MALRD1: variants seen among roughly 807,000 people sequenced by gnomAD.
The protein encoded by MALRD1 is MAM and LDL-receptor class A domain-containing protein 1.
A neutral mutation model predicts 242.1 loss-of-function variants in MALRD1; 247 were observed. That is an observed-to-expected ratio of 1.02 (90% confidence interval 0.92 to 1.13). The LOEUF (loss-of-function observed/expected upper bound fraction) is 1.13, where lower values mean the gene tolerates loss of function less well. Ranked by LOEUF, MALRD1 falls within the 50% of genes most tolerant of loss-of-function variation. The pLI is 0.00. For synonymous variants in MALRD1, 995 were observed against 866.6 expected, an observed-to-expected ratio of 1.15 and a Z score of -2.60; for missense variants, 2,989 against 2,533.1, an observed-to-expected ratio of 1.18 and a Z score of -3.86.
At chr10:19,135,133 A>G (rs1833283897) in intron 9 of MALRD1, among the ~76,000 whole-genome samples, 1 of 152,146 alleles carries the variant, frequency 6.6e-6, no homozygotes, top group Non-Finnish European at 1.5e-5. Flanking sequence ...GTAATTATTA[A>G]TGAACAAACA....
At chr10:19,454,405 G>GATATATATATAT (rs141643131) in intron 29 of MALRD1, among the ~76,000 whole-genome samples, 3,033 of 80,014 alleles carry the variant, frequency 0.038, 161 homozygotes, top group East Asian at 0.087. Context: ...TTATGCATAT[G>GATATATATATAT]ATATATATAT....
chr10:19,293,405 C>A (rs865833867), intron 21 of MALRD1, among the ~76,000 whole-genome samples: 2 of 152,244 alleles, frequency 1.3e-5, no homozygotes, highest in Middle Eastern at 3.4e-3. Flanking sequence ...CACAATTATC[C>A]CTCTAAACAC....
chr10:19,199,446 A>G (rs575235106), intron 14 of MALRD1, among the ~76,000 whole-genome samples: 2 of 152,324 alleles, frequency 1.3e-5, no homozygotes, highest in South Asian at 4.1e-4. Context: ...CATGACAATA[A>G]TAATGAGCAC....
chr10:19,288,348 C>T (rs372375009), intron 21 of MALRD1, among the ~76,000 whole-genome samples: 1 of 151,992 alleles, frequency 6.6e-6, no homozygotes, highest in East Asian at 1.9e-4. Flanking sequence ...CCATTATTAT[C>T]GATGATAACA....
At chr10:19,472,611 C>T (rs1052307327) in intron 29 of MALRD1, among the ~76,000 whole-genome samples, 2 of 151,816 alleles carry the variant, frequency 1.3e-5, no homozygotes, top group Non-Finnish European at 2.9e-5. Context: ...TTTTCTCTTT[C>T]TTCATGATTC....
intron 39 of MALRD1, among the ~76,000 whole-genome samples, chr10:19,731,274 T>G (rs563361169): frequency 3.9e-5 from 6 of 152,338 alleles, no homozygotes; most frequent in African/African-American, 1.2e-4. Context: ...TTGGCCCTTT[T>G]TGGGGCTACC....
chr10:19,347,920 G>A lies in MALRD1; in HGVS notation c.4051G>A (p.Gly1351Ser), dbSNP rs1179357486. Reference protein sequence around the residue: ...AADHTLGNSSGHYIFIKSLFP... With the variant: ...AADHTLGNSSSHYIFIKSLFP... ...AGATCACACTTTGGGAAATTCATCTGGTCATTACATCTTTATAAAGAGTTT... is the reference window on the plus strand; with the variant it reads ...AGATCACACTTTGGGAAATTCATCTAGTCATTACATCTTTATAAAGAGTTT... Residue 1351 changes from glycine (G) to serine (S), a missense_variant, in exon 25 of 40, where the codon GGT (glycine) becomes AGT (serine). By Grantham distance (56) the Gly-to-Ser change is moderately conservative. Coordinates refer to ENST00000454679, the MANE Select transcript of MALRD1 (RefSeq NM_001142308.3). 1.1e-5 allele frequency: 17 copies of A among 1,550,160 alleles called. No homozygotes were observed. The highest frequency in any genetic ancestry group is 1.4e-5 in the Non-Finnish European group (16 of 1,146,814).
chr10:19,505,950 T>G (rs992363818), intron 31 of MALRD1, among the ~76,000 whole-genome samples: 2 of 152,170 alleles, frequency 1.3e-5, no homozygotes, highest in African/African-American at 4.8e-5. Flanking sequence ...TCTAGGGACT[T>G]AATAAAAGTA....
At chr10:19,059,667 T>C (rs956888654) in intron 1 of MALRD1, among the ~76,000 whole-genome samples, 5 of 152,046 alleles carry the variant, frequency 3.3e-5, no homozygotes, top group Non-Finnish European at 5.9e-5. Context: ...GCTGGGGTTA[T>C]AGGCATGAGC....
chr10:19,320,462 G>GACT (rs1262432642), intron 21 of MALRD1, among the ~76,000 whole-genome samples: 43 of 152,102 alleles, frequency 2.8e-4, no homozygotes, highest in African/African-American at 1.0e-3. Context: ...TCTTTATCCA[G>GACT]TCTATCATTG....
chr10:19,607,733 A>T lies in MALRD1; in HGVS notation c.5945-44A>T, dbSNP rs573174583. 140 of 1,524,646 alleles carry T rather than the reference A, an allele frequency of 9.2e-5. No homozygotes were observed. In the South Asian group the frequency reaches 1.7e-3, roughly 18 times the overall value. 94.4% of individuals were successfully genotyped at this position (1,524,646 alleles called of 1,614,324 possible). A position where few individuals can be genotyped will look rare whatever the true frequency, so the allele number is the denominator to read the frequency against. ...TGTGAGAATTCATTGGGACAAAAAA[A>T]AATCATGCTGGCATCCCTGATCATT... On this transcript the variant is annotated intron_variant, in intron 34 of 39. Transcript: ENST00000454679.
intron 12 of MALRD1, among the ~76,000 whole-genome samples, chr10:19,156,404 C>G (rs1005052517): frequency 6.8e-6 from 1 of 147,096 alleles, no homozygotes; most frequent in Non-Finnish European, 1.5e-5. Flanking sequence ...ATTCCCACCT[C>G]TTTATTTTCA....
chr10:19,486,147 T>C (rs1837228940), intron 29 of MALRD1, among the ~76,000 whole-genome samples: 1 of 152,122 alleles, frequency 6.6e-6, no homozygotes, highest in Admixed American at 6.6e-5. Context: ...CTTACTATAA[T>C]AAAATATGTT....
chr10:19,531,246 C>G lies in MALRD1; in HGVS notation c.5373C>G (p.Ser1791=). Residue 1791 remains serine, a synonymous_variant, in exon 32 of 40, where the codon TCC becomes TCG. Transcript: ENST00000454679. ...YVNSSGSKEG[S]VARITTSKSF... ...ACTCATCTGGCTCCAAGGAAGGATC[C>G]GTTGCCAGAATTACTACTTCCAAAT... is the stretch of plus-strand genomic sequence containing the variant. The G allele has an allele frequency of 6.5e-7, 1 of 1,550,370 alleles. No individual in the cohort carries two copies. Among genetic ancestry groups the G allele is most frequent in the African/African-American group, 1.4e-5 (1 of 73,140 alleles).
At chr10:19,561,352 C>T (rs1835953932) in intron 32 of MALRD1, among the ~76,000 whole-genome samples, 1 of 152,142 alleles carries the variant, frequency 6.6e-6, no homozygotes, top group Admixed American at 6.5e-5. Context: ...TTGATTGATG[C>T]TGTTAAGTTC....
intron 24 of MALRD1, among the ~76,000 whole-genome samples, chr10:19,336,501 G>T (rs928653113): frequency 6.6e-6 from 1 of 152,042 alleles, no homozygotes; most frequent in African/African-American, 2.4e-5. Context: ...AACAAAAAAG[G>T]GTTATAATTT....
At chr10:19,479,763 C>T (rs951706366) in intron 29 of MALRD1, among the ~76,000 whole-genome samples, 9 of 152,098 alleles carry the variant, frequency 5.9e-5, no homozygotes, top group African/African-American at 1.9e-4. Flanking sequence ...ATTGGTGGGG[C>T]GGCTTTTCTA....
At chr10:19,454,599 T>G (rs967426103) in intron 29 of MALRD1, among the ~76,000 whole-genome samples, 1 of 151,052 alleles carries the variant, frequency 6.6e-6, no homozygotes, top group Non-Finnish European at 1.5e-5. Flanking sequence ...AGTCAAATCA[T>G]TGTAAATGCA....
intron 31 of MALRD1, among the ~76,000 whole-genome samples, chr10:19,508,050 A>T (rs1450334611): frequency 6.6e-6 from 1 of 151,572 alleles, no homozygotes; most frequent in Non-Finnish European, 1.5e-5. Flanking sequence ...TATTAATCAC[A>T]AATTTGTATA....
Sources: gnomAD v4.1 joint callset for allele counts (sites outside exome capture counted in the v4.1 genomes callset) on GRCh38, gnomAD v4.1.1 for gene constraint, MANE v1.5 for transcripts, NCBI Gene and HGNC (gene_info 2026-07-23, HGNC 2026-07-21) for gene names.